Variants in EP300 observed in about 807,000 individuals in gnomAD.
EP300 encodes EP300 lysine acetyltransferase, also known as histone acetyltransferase p300.
A neutral mutation model predicts 264.0 loss-of-function variants in EP300; 31 were observed. That is an observed-to-expected ratio of 0.12 (90% confidence interval 0.09 to 0.16). The LOEUF is 0.16. Ranked by LOEUF, EP300 falls within the 10% of genes least tolerant of loss-of-function variation. The pLI, the probability that EP300 is intolerant of heterozygous loss-of-function variation, is 1.00. For synonymous variants in EP300, 1,340 were observed against 1,045.4 expected, an observed-to-expected ratio of 1.28 and a Z score of -5.44; for missense variants, 2,766 against 3,052.9, an observed-to-expected ratio of 0.91 and a Z score of 2.21.
At chr22:41,123,876 T>A (rs2145704901) in intron 2 of EP300, among the ~76,000 whole-genome samples, 1 of 152,384 alleles carries the variant, frequency 6.6e-6, no homozygotes, top group Non-Finnish European at 1.5e-5. Context: ...AGAATAATGC[T>A]GTTTTTCAAT....
Position 41,176,708 on chromosome 22 carries a change from T to C in EP300, c.5062-65T>C. 4 of 1,613,238 alleles carry C rather than the reference T, an allele frequency of 2.5e-6. 1 individual carries two copies. Among genetic ancestry groups the C allele is most frequent in the South Asian group, 1.1e-5 (1 of 90,316 alleles). On this transcript the variant is annotated intron_variant, in intron 30 of 30. Coordinates refer to ENST00000263253, the MANE Select transcript of EP300 (RefSeq NM_001429.4). ...AGGGGCTTTTCTAGCCCAAACAATA[T>C]CTAAAATACTTTTGAATGACTTAAA...
intron 7 of EP300, among the ~76,000 whole-genome samples, chr22:41,137,305 T>A (rs2058956627): frequency 7.5e-6 from 1 of 133,400 alleles, no homozygotes; most frequent in African/African-American, 2.8e-5. Flanking sequence ...TGCAGTGATC[T>A]GGGATTGCAC....
intron 2 of EP300, among the ~76,000 whole-genome samples, chr22:41,119,654 G>C (rs1367830442): frequency 6.6e-6 from 1 of 152,068 alleles, no homozygotes; most frequent in African/African-American, 2.4e-5. Flanking sequence ...ATTGACATCT[G>C]CTTGGGGGTG....
At chr22:41,172,739 A>C in intron 28 of EP300, 76 bp downstream of exon 28, 1 of 1,495,716 alleles carries the variant, frequency 6.7e-7, no homozygotes, top group South Asian at 1.2e-5. Flanking sequence ...TAAACTTTCA[A>C]TTGGGTTTTA....
In EP300 at chr22:41,092,984, G is replaced by GT; in HGVS notation, c.-20dup. 6.2e-7 allele frequency: 1 copy of GT among 1,613,778 alleles called. No homozygotes were observed. Among genetic ancestry groups the GT allele is most frequent in the South Asian group, 1.1e-5 (1 of 91,078 alleles). ...CTGAGGATTCTGGTTTTCCTCGCTT[G>GT]TATCTCCGAAAGAATTAAAAATGGC... On this transcript the variant is annotated 5_prime_UTR_variant, in exon 1 of 31. Coordinates refer to ENST00000263253, the MANE Select transcript of EP300 (RefSeq NM_001429.4).
intron 26 of EP300, 124 bp downstream of exon 26, chr22:41,169,740 ATTCTC>A (rs1435179672): frequency 6.5e-5 from 44 of 679,668 alleles, no homozygotes; most frequent in Non-Finnish European, 1.1e-4. Context: ...TTACGTAACA[ATTCTC>A]TTAACTTTGT....
chr22:41,119,182 T>A (rs28579460), intron 2 of EP300, among the ~76,000 whole-genome samples: 7,185 of 133,460 alleles, frequency 0.054, 568 homozygotes, highest in East Asian at 0.22. Context: ...ATTATTTTTT[T>A]TTTTTTTTTT....
In EP300 at chr22:41,157,174, C is replaced by T. The variant is rs1198563248; in HGVS notation, c.3267C>T (p.Tyr1089=). 1.9e-6 allele frequency: 3 copies of T among 1,613,970 alleles called. No individual in the cohort carries two copies. Among genetic ancestry groups the T allele is most frequent in the Non-Finnish European group, 2.5e-6 (3 of 1,180,002 alleles). Residue 1089 remains tyrosine, a synonymous_variant, in exon 18 of 31, where the codon TAC becomes TAT. Coordinates refer to ENST00000263253, the MANE Select transcript of EP300 (RefSeq NM_001429.4). The part of the protein sequence containing the change: ...VDPQLLGIPD[Y]FDIVKSPMDL... Reference sequence around the variant, plus strand: ...GATGTCACTTGTCTTTCTAGGATTACTTTGATATTGTGAAGAGCCCCATGG... The same window carrying T: ...GATGTCACTTGTCTTTCTAGGATTATTTTGATATTGTGAAGAGCCCCATGG...
In EP300 at chr22:41,129,144, G is replaced by A. The variant is rs567864421; in HGVS notation, c.1169-746G>A. 2.1e-3 allele frequency among the ~76,000 whole-genome samples: 314 copies of A among 149,648 alleles called. 1 individual carries two copies. Among genetic ancestry groups the A allele is most frequent in the African/African-American group, 7.4e-3 (300 of 40,668 alleles). ...TCCTGCCTCAGCCTCCCGAGTAGAT[G>A]GGACTACAGGCGCCCGCCACCATGG... is the stretch of plus-strand genomic sequence containing the variant. On this transcript the variant is annotated intron_variant, in intron 4 of 30. Coordinates refer to ENST00000263253, the MANE Select transcript of EP300 (RefSeq NM_001429.4).
intron 29 of EP300, among the ~76,000 whole-genome samples, chr22:41,175,538 C>CT (rs2059195502): frequency 6.6e-6 from 1 of 152,170 alleles, no homozygotes; most frequent in African/African-American, 2.4e-5. Context: ...TCAACAAAGA[C>CT]TAAGATTTTT....
Position 41,152,271 on chromosome 22 carries a change from T to C in EP300, c.3063T>C (p.Thr1021=), listed in dbSNP as rs142431552. 155 of 1,614,144 alleles carry C rather than the reference T, an allele frequency of 9.6e-5. 1 individual carries two copies. The African/African-American group carries it at 1.7e-3, about 17-fold the overall frequency. Reference sequence around the variant, plus strand: ...AAGAGAGAAGCACTGAGTTAAAAACTGAAATAAAAGAGGAGGAAGACCAGC... The same window carrying C: ...AAGAGAGAAGCACTGAGTTAAAAACCGAAATAAAAGAGGAGGAAGACCAGC... ...ETEERSTELK[T]EIKEEEDQPS... The change falls in exon 16 of 31, where the codon ACT becomes ACC. Residue 1021 remains threonine (T), a synonymous_variant. Coordinates refer to ENST00000263253, the MANE Select transcript of EP300 (RefSeq NM_001429.4).
intron 13 of EP300, 42 bp from the exon 14 acceptor site, chr22:41,149,718 TC>T: frequency 6.3e-7 from 1 of 1,595,580 alleles, no homozygotes; most frequent in Non-Finnish European, 8.6e-7. Context: ...TTTCCTTAAT[TC>T]TGTTCTGAAT....
In EP300 at chr22:41,166,644, A is replaced by G; in HGVS notation, c.3852A>G (p.Lys1284=). 1 of 1,612,156 alleles carries G rather than the reference A, an allele frequency of 6.2e-7. No individual in the cohort carries two copies. The highest frequency in any genetic ancestry group is 8.5e-7 in the Non-Finnish European group (1 of 1,179,260). ...TAAAGAAAAGTGCACGAACTAGGAA[A>G]GAAAATAAGTTTTCTGCTAAAAGTA... ...GCLKKSARTR[K]ENKFSAKRLP... is the part of the protein sequence containing the mutation. The change falls in exon 23 of 31, where the codon AAA becomes AAG. Residue 1284 remains lysine (K), a synonymous_variant. Coordinates refer to ENST00000263253, the MANE Select transcript of EP300 (RefSeq NM_001429.4).
intron 5 of EP300, among the ~76,000 whole-genome samples, chr22:41,130,234 G>C (rs2058910172): frequency 6.7e-6 from 1 of 148,866 alleles, no homozygotes; most frequent in Non-Finnish European, 1.5e-5. Flanking sequence ...CTGAGTGATG[G>C]AGTGAGAACC....
chr22:41,104,064 T>A (rs1175797458), intron 1 of EP300, among the ~76,000 whole-genome samples: 1 of 151,582 alleles, frequency 6.6e-6, no homozygotes, highest in Non-Finnish European at 1.5e-5. Flanking sequence ...ATATGCAAGG[T>A]TTTTTTGTTG....
At chr22:41,150,414 C>CT (rs1226617697) in intron 14 of EP300, among the ~76,000 whole-genome samples, 1 of 152,112 alleles carries the variant, frequency 6.6e-6, no homozygotes, top group Non-Finnish European at 1.5e-5. Flanking sequence ...TTAGCTCTGA[C>CT]TTTGACCATT....
intron 5 of EP300, 142 bp downstream of exon 5, chr22:41,130,145 G>A: frequency 1.5e-6 from 1 of 679,304 alleles, no homozygotes; most frequent in Non-Finnish European, 2.5e-6. Flanking sequence ...TAATTTTTCT[G>A]CTTCCCTAGT....
intron 3 of EP300, 69 bp from the exon 4 acceptor site, chr22:41,127,418 C>T: frequency 6.3e-7 from 1 of 1,590,516 alleles, no homozygotes; most frequent in South Asian, 1.1e-5. Flanking sequence ...TGAAAATATC[C>T]ACATCTCTAT....
intron 1 of EP300, among the ~76,000 whole-genome samples, chr22:41,112,624 C>T (rs1375599002): frequency 1.3e-5 from 2 of 151,868 alleles, no homozygotes; most frequent in African/African-American, 4.8e-5. Flanking sequence ...CTTTGGTTTG[C>T]TCTTTTTAAA....
Sources: gnomAD v4.1 joint callset for allele counts (sites outside exome capture counted in the v4.1 genomes callset) on GRCh38, gnomAD v4.1.1 for gene constraint, MANE v1.5 for transcripts, NCBI Gene and HGNC (gene_info 2026-07-23, HGNC 2026-07-21) for gene names.